Variants in ADGRG2 observed in about 807,000 individuals in gnomAD.
ADGRG2 encodes G protein-coupled receptor 64.
ADGRG2 carries 26 observed loss-of-function variants against 74.1 expected under a neutral mutation model. The ratio of observed to expected loss-of-function variants is 0.35; its 90% confidence interval spans 0.26 to 0.49. ADGRG2 has a LOEUF of 0.49. ADGRG2 is among the 20% of genes least tolerant of loss of function. The pLI is 0.99. For synonymous variants in ADGRG2, 296 were observed against 295.2 expected (o/e 1.00, Z -0.03); for missense variants, 619 against 763.1 (o/e 0.81, Z 2.22).
chrX:19,063,078 G>A (rs144093419), intron 3 of ADGRG2, among the ~76,000 whole-genome samples: 2 of 110,205 alleles, frequency 1.8e-5, no homozygotes, highest in African/African-American at 3.3e-5. Flanking sequence ...ACCCATTCTG[G>A]TAGACCAAGA....
chrX:19,045,662 C>T (rs1434265362), intron 3 of ADGRG2, among the ~76,000 whole-genome samples: 4 of 110,132 alleles, frequency 3.6e-5, no homozygotes, highest in Non-Finnish European at 5.7e-5. Flanking sequence ...CCCTTCTCCC[C>T]ATGCTCACTG....
At chrX:19,004,662 G>C in intron 23 of ADGRG2, 96 bp downstream of exon 23, 1 of 869,978 alleles carries the variant, frequency 1.1e-6, no homozygotes. Flanking sequence ...GGGTGTACAG[G>C]GTAAGGCAGG....
At chrX:19,067,574 A>C (rs181651721) in intron 3 of ADGRG2, among the ~76,000 whole-genome samples, 1 of 112,290 alleles carries the variant, frequency 8.9e-6, no homozygotes, top group Admixed American at 9.5e-5. Context: ...TCTTCATGAT[A>C]TTGGATTTGG....
At chrX:19,016,329 A>G (rs1037294880) in intron 15 of ADGRG2, among the ~76,000 whole-genome samples, 10 of 110,213 alleles carry the variant, frequency 9.1e-5, no homozygotes, top group Non-Finnish European at 1.9e-4. Flanking sequence ...GGTATTTCTA[A>G]TGTACAGTTA....
At chrX:19,049,879 T>C (rs917116722) in intron 3 of ADGRG2, among the ~76,000 whole-genome samples, 1 of 111,774 alleles carries the variant, frequency 8.9e-6, no homozygotes, top group Admixed American at 9.5e-5. Flanking sequence ...ATCTGTCATG[T>C]ATGGGTTAGC....
chrX:19,028,690 T>A (rs987702681), intron 9 of ADGRG2, among the ~76,000 whole-genome samples: 8 of 111,335 alleles, frequency 7.2e-5, no homozygotes, highest in African/African-American at 2.3e-4. Flanking sequence ...CTCATAATGT[T>A]TTATGAAAGT....
At position 19,049,443 on chromosome X, in the gene ADGRG2, T is replaced by G. The variant is rs763364130; in HGVS notation, c.119-9219A>C. Among the ~76,000 whole-genome samples, 12 of 101,608 alleles carry G rather than the reference T, an allele frequency of 1.2e-4. 1 individual carries two copies. The highest frequency in any genetic ancestry group is 4.6e-4 in the African/African-American group (12 of 25,874). 88.2% of individuals were successfully genotyped at this position (101,608 alleles called of 115,157 possible). On this transcript the variant is annotated intron_variant, in intron 3 of 28. Transcript: ENST00000379869. ...CATATATAAGCGTTTTTTGTGTTTTTTTTTTTTTTTTTTTGTTGTTGTTGT... is the reference window on the plus strand; with the variant it reads ...CATATATAAGCGTTTTTTGTGTTTTGTTTTTTTTTTTTTTGTTGTTGTTGT...
intron 14 of ADGRG2, among the ~76,000 whole-genome samples, chrX:19,020,019 A>T (rs1216266314): frequency 1.8e-5 from 2 of 111,636 alleles, no homozygotes; most frequent in Non-Finnish European, 3.8e-5. Context: ...TCAGATGTGG[A>T]ATCTAAAAAG....
At chrX:19,009,385 C>T (rs1347209608) in intron 18 of ADGRG2, among the ~76,000 whole-genome samples, 6 of 110,813 alleles carry the variant, frequency 5.4e-5, no homozygotes, top group Admixed American at 9.6e-5. Flanking sequence ...ACCATGTTGT[C>T]CAGGCTGGTC....
At chrX:19,047,856 T>A (rs1005049290) in intron 3 of ADGRG2, among the ~76,000 whole-genome samples, 1 of 111,668 alleles carries the variant, frequency 9.0e-6, no homozygotes, top group African/African-American at 3.3e-5. Flanking sequence ...ATGAAAACAT[T>A]TCTAATTTGG....
chrX:19,116,694 A>ATC (rs1171424433), intron 1 of ADGRG2, among the ~76,000 whole-genome samples: 3 of 110,780 alleles, frequency 2.7e-5, no homozygotes, highest in African/African-American at 6.6e-5. Context: ...AGCATAATAA[A>ATC]TGAACTTACT....
intron 3 of ADGRG2, among the ~76,000 whole-genome samples, chrX:19,065,785 C>T (rs1231848671): frequency 9.0e-6 from 1 of 111,529 alleles, no homozygotes; most frequent in Non-Finnish European, 1.9e-5. Flanking sequence ...TTGAGTTTTG[C>T]CCTGCCAAGC....
At chrX:19,083,881 A>T (rs1435993717) in intron 1 of ADGRG2, among the ~76,000 whole-genome samples, 1 of 112,559 alleles carries the variant, frequency 8.9e-6, no homozygotes, top group Non-Finnish European at 1.9e-5. Context: ...CTCTAAGGTC[A>T]TCCTGGAACC....
chrX:19,081,029 A>G (rs2061838138), intron 2 of ADGRG2, among the ~76,000 whole-genome samples: 1 of 110,957 alleles, frequency 9.0e-6, no homozygotes, highest in Admixed American at 9.7e-5. Context: ...CAAGGCAGAT[A>G]TCTTTCCTGC....
At chrX:19,051,105 C>T (rs1019669700) in intron 3 of ADGRG2, among the ~76,000 whole-genome samples, 1 of 111,911 alleles carries the variant, frequency 8.9e-6, no homozygotes, top group Non-Finnish European at 1.9e-5. Context: ...GACAGAGTCT[C>T]GCTCTTTCGC....
intron 1 of ADGRG2, among the ~76,000 whole-genome samples, chrX:19,100,413 T>C (rs1279925326): frequency 8.8e-6 from 1 of 113,328 alleles, no homozygotes; most frequent in Non-Finnish European, 1.9e-5. Context: ...TGTAAGTGAA[T>C]GAGCGTGACT....
At chrX:19,039,292 A>G in intron 4 of ADGRG2, 1 of 331,357 alleles carries the variant, frequency 3.0e-6, no homozygotes, top group Middle Eastern at 4.4e-4. Context: ...TATAACACGA[A>G]TATTTCCTAT....
chrX:19,089,690 G>C (rs1250023848), intron 1 of ADGRG2, among the ~76,000 whole-genome samples: 1 of 111,434 alleles, frequency 9.0e-6, no homozygotes, highest in Non-Finnish European at 1.9e-5. Context: ...ACCAGCCTGA[G>C]CTAGTTGGCC....
At chrX:19,063,008 TAA>T (rs3056190) in intron 3 of ADGRG2, among the ~76,000 whole-genome samples, 6 of 96,283 alleles carry the variant, frequency 6.2e-5, no homozygotes, top group African/African-American at 1.5e-4. Flanking sequence ...TTCAAAGATT[TAA>T]AAAAAAAAAA....
Sources: gnomAD v4.1 joint callset for allele counts (sites outside exome capture counted in the v4.1 genomes callset) on GRCh38, gnomAD v4.1.1 for gene constraint, MANE v1.5 for transcripts, NCBI Gene and HGNC (gene_info 2026-07-23, HGNC 2026-07-21) for gene names.